The following PCDHGA1 variants were observed in gnomAD, a reference collection of about 807,000 sequenced individuals.
PCDHGA1 encodes protocadherin gamma subfamily A, 1.
PCDHGA1 carries 32 observed loss-of-function variants against 58.0 expected under a neutral mutation model. The ratio of observed to expected loss-of-function variants is 0.55; its 90% confidence interval spans 0.42 to 0.74. The LOEUF (loss-of-function observed/expected upper bound fraction) is 0.74, where lower values mean the gene tolerates loss of function less well. PCDHGA1 is among the 30% of genes least tolerant of loss of function. PCDHGA1 has a pLI of 0.00. For missense variants in PCDHGA1, 1,205 were observed against 1,182.3 expected (o/e 1.02, Z -0.28); for synonymous variants, 498 against 501.1 (o/e 0.99, Z 0.08).
chr5:141,346,089 G>T (rs1308654939), intron 1 of PCDHGA1: 3 of 1,613,746 alleles, frequency 1.9e-6, no homozygotes, highest in East Asian at 2.2e-5. Flanking sequence ...CAAACCCAAC[G>T]ATTCGGACCT....
chr5:141,423,201 C>G, intron 1 of PCDHGA1: 1 of 1,613,628 alleles, frequency 6.2e-7, no homozygotes, highest in Non-Finnish European at 8.5e-7. Context: ...TCTCGGCCAC[C>G]GTCACGCTCA....
Position 141,477,060 on chromosome 5 carries a change from C to G in PCDHGA1, c.2422-17747C>G. On this transcript the variant is annotated intron_variant, in intron 1 of 3. Coordinates refer to ENST00000517417, the MANE Select transcript of PCDHGA1 (RefSeq NM_018912.3). The surrounding 1 kb of genome is among the most constrained non-coding windows in gnomAD (Gnocchi z 4.9). ...AAGGGTCGGCTGGACTTCGAGGACA[C>G]CAAACTCCATGAGATTTACATCCAG... The G allele has an allele frequency of 1.2e-6, 2 of 1,614,256 alleles. No individual in the cohort carries two copies. The highest frequency in any genetic ancestry group is 2.2e-5 in the South Asian group (2 of 91,086).
Position 141,352,519 on chromosome 5 carries a change from C to A in PCDHGA1, c.2421+19414C>A, listed in dbSNP as rs1338121700. 1.9e-6 allele frequency: 3 copies of A among 1,613,892 alleles called. No individual in the cohort carries two copies. The African/African-American group carries it at 4.0e-5, about 22-fold the overall frequency. ...CCTATTCCTACAATCTATGTATTGCCTCTCATTCTGCAAAGACAGAGTTTA... is the reference window on the plus strand; with the variant it reads ...CCTATTCCTACAATCTATGTATTGCATCTCATTCTGCAAAGACAGAGTTTA... On this transcript the variant is annotated intron_variant, in intron 1 of 3. Coordinates refer to ENST00000517417, the MANE Select transcript of PCDHGA1 (RefSeq NM_018912.3).
In PCDHGA1 at chr5:141,393,139, T is replaced by A. The variant is rs753058672; in HGVS notation, c.2421+60034T>A. 1.2e-6 allele frequency: 2 copies of A among 1,613,322 alleles called. No individual in the cohort carries two copies. The highest frequency in any genetic ancestry group is 3.3e-5 in the Admixed American group (2 of 60,032). ...CGGTGTCTGATAAATATTAACACCC[T>A]GGTTGAGGATAAAGGAAAACTCTTT... On this transcript the variant is annotated intron_variant, in intron 1 of 3. Coordinates refer to ENST00000517417, the MANE Select transcript of PCDHGA1 (RefSeq NM_018912.3).
chr5:141,491,980 C>T lies in PCDHGA1; in HGVS notation c.2422-2827C>T. ...AAAAAAGGCCGGGGCCTCCTTCGAG[C>T]TTCCGGTGAATTTCGGGCGATTTCC... On this transcript the variant is annotated intron_variant, in intron 1 of 3. Transcript: ENST00000517417. The surrounding 1 kb of genome is among the most constrained non-coding windows in gnomAD (Gnocchi z 6.9). The T allele has an allele frequency of 2.5e-6, 2 of 784,432 alleles. No individual in the cohort carries two copies. The highest frequency in any genetic ancestry group is 3.8e-6 in the Non-Finnish European group (2 of 530,588). 48.6% of individuals were successfully genotyped at this position (784,432 alleles called of 1,614,324 possible). A position where few individuals can be genotyped will look rare whatever the true frequency, so the allele number is the denominator to read the frequency against.
chr5:141,444,363 G>A (rs1292799006), intron 1 of PCDHGA1, among the ~76,000 whole-genome samples: 1 of 151,772 alleles, frequency 6.6e-6, no homozygotes, highest in Non-Finnish European at 1.5e-5. Context: ...TAGAGACGGG[G>A]TTTCTCCATG....
At chr5:141,409,700 G>C (rs1561722120) in intron 1 of PCDHGA1, 4 of 1,613,280 alleles carry the variant, frequency 2.5e-6, no homozygotes, top group Non-Finnish European at 3.4e-6. Context: ...AGAGCCCCTG[G>C]CGGTGTCGTC....
In PCDHGA1 at chr5:141,451,946, G is replaced by A. The variant is rs146934262; in HGVS notation, c.2422-42861G>A. On this transcript the variant is annotated intron_variant, in intron 1 of 3. Coordinates refer to ENST00000517417, the MANE Select transcript of PCDHGA1 (RefSeq NM_018912.3). ...GGAGGTAGGGAGGCAGGGAAAGACC[G>A]AGAAAGTGACATACCATCATTTTTG... Among the ~76,000 whole-genome samples, 240 of 152,218 alleles carry A rather than the reference G, an allele frequency of 1.6e-3. 1 individual carries two copies. Among genetic ancestry groups the A allele is most frequent in the Non-Finnish European group, 2.9e-3 (195 of 68,026 alleles).
chr5:141,338,204 C>G (rs754701387), intron 1 of PCDHGA1, among the ~76,000 whole-genome samples: 1 of 152,210 alleles, frequency 6.6e-6, no homozygotes, highest in Non-Finnish European at 1.5e-5. Context: ...CCTCCTCCAA[C>G]CTTCACGCTT....
At chr5:141,440,838 C>A (rs2098204954) in intron 1 of PCDHGA1, 1 of 152,102 alleles carries the variant, frequency 6.6e-6, no homozygotes, top group African/African-American at 2.4e-5. Context: ...TTGGTTGAAG[C>A]CAATGACAAC....
intron 1 of PCDHGA1, chr5:141,350,578 C>G: frequency 6.2e-7 from 1 of 1,613,970 alleles, no homozygotes; most frequent in Non-Finnish European, 8.5e-7. Flanking sequence ...TCGAAACGGT[C>G]GCTGAAAACC....
At chr5:141,462,833 A>G (rs1488609568) in intron 1 of PCDHGA1, among the ~76,000 whole-genome samples, 1 of 152,082 alleles carries the variant, frequency 6.6e-6, no homozygotes, top group Non-Finnish European at 1.5e-5. Flanking sequence ...GACATTGTAA[A>G]TGTTATATTT....
At chr5:141,365,440 C>G in intron 1 of PCDHGA1, 1 of 1,613,954 alleles carries the variant, frequency 6.2e-7, no homozygotes, top group Non-Finnish European at 8.5e-7. Context: ...CGCTGTTTAG[C>G]GTACATGATG....
intron 1 of PCDHGA1, chr5:141,365,286 T>C (rs1261897529): frequency 6.2e-7 from 1 of 1,613,946 alleles, no homozygotes. Flanking sequence ...CTCATGGAAG[T>C]GGTAGCTCAG....
In PCDHGA1 at chr5:141,476,288, C is replaced by A. The variant is rs1446743849; in HGVS notation, c.2422-18519C>A. 3.1e-6 allele frequency: 5 copies of A among 1,613,980 alleles called. No homozygotes were observed. The highest frequency in any genetic ancestry group is 3.4e-6 in the Non-Finnish European group (4 of 1,180,026). ...CGTGGTCGCGAACCTTGGTTTGGAT[C>A]TCGGTAGCCTCTCAGCCCGCAGGTT... On this transcript the variant is annotated intron_variant, in intron 1 of 3. Coordinates refer to ENST00000517417, the MANE Select transcript of PCDHGA1 (RefSeq NM_018912.3). This position sits in a 1 kb window ranked among gnomAD's most constrained non-coding sequence, Gnocchi z 7.6.
chr5:141,368,540 AT>A (rs34785174), intron 1 of PCDHGA1, among the ~76,000 whole-genome samples: 1 of 152,116 alleles, frequency 6.6e-6, no homozygotes, highest in Middle Eastern at 3.4e-3. Context: ...TTGCTTTTCC[AT>A]TTTTTTTAAA....
chr5:141,490,151 T>C lies in PCDHGA1; in HGVS notation c.2422-4656T>C, dbSNP rs1449636059. The stretch of plus-strand genomic sequence containing the variant: ...GACCCTAGCAGTGGGGCAATCCATG[T>C]GTTGGGTCCCATAGACTTTGAGGAG... On this transcript the variant is annotated intron_variant, in intron 1 of 3. Transcript: ENST00000517417. The surrounding 1 kb of genome is among the most constrained non-coding windows in gnomAD (Gnocchi z 5.4). 4 of 1,614,210 alleles carry C rather than the reference T, an allele frequency of 2.5e-6. No homozygotes were observed. The highest frequency in any genetic ancestry group is 3.4e-6 in the Non-Finnish European group (4 of 1,180,018).
intron 1 of PCDHGA1, chr5:141,341,493 G>C (rs760391490): frequency 1.3e-6 from 2 of 1,560,312 alleles, no homozygotes. Context: ...TTTCCTTGAG[G>C]GTAGAGTCAA....
intron 1 of PCDHGA1, chr5:141,414,361 T>G: frequency 6.2e-7 from 1 of 1,613,876 alleles, no homozygotes; most frequent in Non-Finnish European, 8.5e-7. Context: ...GTATCTACCA[T>G]TTAAATTAGA....
Sources: gnomAD v4.1 joint callset for allele counts (sites outside exome capture counted in the v4.1 genomes callset) on GRCh38, gnomAD v4.1.1 for gene constraint, Gnocchi (gnomAD v3.1) non-coding constraint, MANE v1.5 for transcripts, NCBI Gene and HGNC (gene_info 2026-07-23, HGNC 2026-07-21) for gene names.